The following OXSR1 variants were observed in gnomAD, a reference collection of about 807,000 sequenced individuals.
The protein encoded by OXSR1 is serine/threonine-protein kinase OSR1.
OXSR1 carries 24 observed loss-of-function variants against 79.8 expected under a neutral mutation model. That is an observed-to-expected ratio of 0.30 (90% confidence interval 0.22 to 0.42). The LOEUF is 0.42. Among genes scored for constraint, OXSR1 ranks in the 10% least tolerant of loss-of-function variants. The pLI is 1.00. For synonymous variants in OXSR1, 226 were observed against 209.2 expected, an observed-to-expected ratio of 1.08 and a Z score of -0.69; for missense variants, 430 against 618.4, an observed-to-expected ratio of 0.70 and a Z score of 3.23.
chr3:38,205,363 A>G lies in OXSR1; in HGVS notation c.434+6500A>G, dbSNP rs563549046. ...GGAGGGTTCTGTTTGGCTATCTTCC[A>G]TTGGATCTTTCTGTGGGTTTAGAAA... On this transcript the variant is annotated intron_variant, in intron 4 of 17. Transcript: ENST00000311806. 3.3e-5 allele frequency among the ~76,000 whole-genome samples: 5 copies of G among 152,234 alleles called. 1 individual carries two copies. In the South Asian group the frequency reaches 6.2e-4, roughly 19 times the overall value.
intron 11 of OXSR1, 52 bp from the exon 12 acceptor site, chr3:38,242,691 A>G (rs374932094): frequency 5.0e-5 from 58 of 1,159,800 alleles, no homozygotes; most frequent in South Asian, 2.6e-4. Flanking sequence ...GGGACTGACT[A>G]CAAGTAACCT....
At chr3:38,248,352 T>A (rs1199501703) in intron 14 of OXSR1, among the ~76,000 whole-genome samples, 1 of 15,026 alleles carries the variant, frequency 6.7e-5, no homozygotes, top group African/African-American at 2.6e-4. Flanking sequence ...CCCCCGCCCC[T>A]AGCACTAGTA....
Position 38,181,031 on chromosome 3 carries a change from G to A in OXSR1, c.71-1972G>A, listed in dbSNP as rs116181208. On this transcript the variant is annotated intron_variant, in intron 1 of 17. Coordinates refer to ENST00000311806, the MANE Select transcript of OXSR1 (RefSeq NM_005109.3). ...ATTCACAGGCTTTGGGGATTAAGAT[G>A]TACATTTTTGGGAGGCCCGTTATTC... 6.8e-3 allele frequency among the ~76,000 whole-genome samples: 1,041 copies of A among 152,008 alleles called. 10 individuals are homozygous for A. The highest frequency in any genetic ancestry group is 8.8e-3 in the Non-Finnish European group (597 of 67,996).
intron 4 of OXSR1, among the ~76,000 whole-genome samples, chr3:38,210,380 T>C (rs1278021319): frequency 1.3e-5 from 2 of 152,176 alleles, no homozygotes; most frequent in East Asian, 3.8e-4. Flanking sequence ...TCTGATAAAA[T>C]AGTTTCCCTT....
intron 5 of OXSR1, among the ~76,000 whole-genome samples, chr3:38,217,769 A>G (rs371802005): frequency 6.6e-6 from 1 of 152,144 alleles, no homozygotes; most frequent in African/African-American, 2.4e-5. Context: ...CTAAAAAATA[A>G]TTCCTCATTC....
chr3:38,166,014 G>A, intron 1 of OXSR1, 68 bp downstream of exon 1: 1 of 1,412,414 alleles, frequency 7.1e-7, no homozygotes, highest in Non-Finnish European at 9.9e-7. Context: ...AACGTGGGGA[G>A]CCGCGGGAGC....
intron 4 of OXSR1, among the ~76,000 whole-genome samples, chr3:38,207,728 C>T (rs1702294561): frequency 1.3e-5 from 2 of 152,130 alleles, no homozygotes; most frequent in African/African-American, 4.8e-5. Context: ...TTGTAGAAAC[C>T]ACTTTTGTTC....
intron 10 of OXSR1, among the ~76,000 whole-genome samples, chr3:38,232,365 T>C (rs931253433): frequency 6.6e-6 from 1 of 152,028 alleles, no homozygotes; most frequent in African/African-American, 2.4e-5. Context: ...GAAGGCACAG[T>C]CAACTGTGAT....
At chr3:38,183,233 TAATA>T (rs765437620) in intron 2 of OXSR1, 118 bp downstream of exon 2, 6 of 462,948 alleles carry the variant, frequency 1.3e-5, no homozygotes, top group Admixed American at 4.2e-5. Flanking sequence ...ATTTCTTCAT[TAATA>T]AATAATATTC....
At chr3:38,230,489 A>G (rs1702782822) in intron 10 of OXSR1, 59 bp downstream of exon 10, 1 of 1,140,606 alleles carries the variant, frequency 8.8e-7, no homozygotes, top group Non-Finnish European at 1.3e-6. Context: ...GCATTTTGAA[A>G]ACATGTTAAG....
intron 11 of OXSR1, among the ~76,000 whole-genome samples, chr3:38,238,100 A>T (rs1370675138): frequency 1.3e-5 from 2 of 152,154 alleles, no homozygotes; most frequent in Non-Finnish European, 2.9e-5. Context: ...TGAAATAGTT[A>T]TAGTAGCTTT....
Position 38,249,966 on chromosome 3 carries a change from G to A in OXSR1, c.1323G>A (p.Arg441=). Residue 441 remains arginine (R), a splice_region_variant and synonymous_variant, in exon 15 of 18, where the codon AGG becomes AGA. Transcript: ENST00000311806. Reference sequence around the variant, plus strand: ...TTATGCATTCTGCTTTCTTTCATAGGAATTCCAAAAAAGAACTAAATGATA... The same window carrying A: ...TTATGCATTCTGCTTTCTTTCATAGAAATTCCAAAAAAGAACTAAATGATA... ...KIPISLVLRL[R]NSKKELNDIR... 1 of 1,561,362 alleles carries A rather than the reference G, an allele frequency of 6.4e-7. No individual in the cohort carries two copies. The highest frequency in any genetic ancestry group is 2.2e-5 in the East Asian group (1 of 44,508).
At chr3:38,238,315 A>G (rs528234983) in intron 11 of OXSR1, among the ~76,000 whole-genome samples, 1 of 152,188 alleles carries the variant, frequency 6.6e-6, no homozygotes, top group East Asian at 1.9e-4. Flanking sequence ...GGTAGGGTGC[A>G]ATGATGGTTC....
intron 11 of OXSR1, among the ~76,000 whole-genome samples, chr3:38,242,392 T>G (rs1703053363): frequency 6.6e-6 from 1 of 152,182 alleles, no homozygotes; most frequent in Non-Finnish European, 1.5e-5. Context: ...AAGTTTAGGT[T>G]TGGTCTGGGA....
chr3:38,180,951 T>C (rs1230047894), intron 1 of OXSR1, among the ~76,000 whole-genome samples: 1 of 152,158 alleles, frequency 6.6e-6, no homozygotes, highest in Non-Finnish European at 1.5e-5. Flanking sequence ...AGGATAATCT[T>C]CCCATCTCAA....
intron 1 of OXSR1, among the ~76,000 whole-genome samples, chr3:38,167,549 C>A (rs908746884): frequency 6.0e-5 from 9 of 150,498 alleles, no homozygotes; most frequent in Non-Finnish European, 1.2e-4. Flanking sequence ...AAAAGAACTT[C>A]GTGAAATAAT....
intron 1 of OXSR1, among the ~76,000 whole-genome samples, chr3:38,178,620 A>ATATATATTTTT (rs1265646743): frequency 2.1e-5 from 2 of 95,124 alleles, no homozygotes; most frequent in Non-Finnish European, 3.9e-5. Context: ...ATATATATAT[A>ATATATATTTTT]TTTTTTTTTT....
At chr3:38,212,946 G>A (rs1302746807) in intron 4 of OXSR1, among the ~76,000 whole-genome samples, 2 of 152,118 alleles carry the variant, frequency 1.3e-5, no homozygotes, top group Non-Finnish European at 2.9e-5. Context: ...TTATTGTCCA[G>A]TGAATTGTGC....
intron 2 of OXSR1, 131 bp from the exon 3 acceptor site, chr3:38,190,597 TGAA>T (rs1559505826): frequency 1.7e-6 from 1 of 604,372 alleles, no homozygotes. Context: ...TAACCCTTCT[TGAA>T]GAAATCAGAG....
Sources: gnomAD v4.1 joint callset for allele counts (sites outside exome capture counted in the v4.1 genomes callset) on GRCh38, gnomAD v4.1.1 for gene constraint, MANE v1.5 for transcripts, NCBI Gene and HGNC (gene_info 2026-07-23, HGNC 2026-07-21) for gene names.